CNTN6: variants seen among roughly 807,000 people sequenced by gnomAD.
The protein encoded by CNTN6 is contactin-6.
Under a neutral mutation model 122.8 loss-of-function variants are expected in CNTN6, and 137 were observed. The observed-to-expected ratio is 1.12, with a 90% CI of 0.97 to 1.29. The LOEUF (loss-of-function observed/expected upper bound fraction) is 1.29, where lower values mean the gene tolerates loss of function less well. Ranked by LOEUF, CNTN6 falls within the 50% of genes most tolerant of loss-of-function variation. CNTN6 has a pLI of 0.00. For missense variants in CNTN6, 1,634 were observed against 1,223.4 expected (o/e 1.34, Z -5.01); for synonymous variants, 570 against 426.0 (o/e 1.34, Z -4.16).
intron 12 of CNTN6, among the ~76,000 whole-genome samples, chr3:1,360,461 A>G (rs1575855450): frequency 6.6e-6 from 1 of 152,098 alleles, no homozygotes; most frequent in East Asian, 1.9e-4. Context: ...TCCTTCTCCT[A>G]AAAGCCCTGT....
intron 2 of CNTN6, among the ~76,000 whole-genome samples, chr3:1,150,513 A>G (rs1042894872): frequency 6.6e-6 from 1 of 152,208 alleles, no homozygotes; most frequent in African/African-American, 2.4e-5. Context: ...GGCCTTTACA[A>G]TGAAACTTAA....
rs182341825 is a variant in CNTN6 at position 1,329,105 on chromosome 3, A to G, written c.1214-680A>G. Among the ~76,000 whole-genome samples the G allele has an allele frequency of 4.2e-4, 63 of 151,328 alleles. 1 individual carries two copies. The East Asian group carries it at 9.4e-3, about 23-fold the overall frequency. On this transcript the variant is annotated intron_variant, in intron 10 of 22. Coordinates refer to ENST00000446702, the MANE Select transcript of CNTN6 (RefSeq NM_001289080.2). ...TATATGTATATATGTGTATATACGT[A>G]TATATGTATATGTGTGTGTGTTTCT...
chr3:1,243,908 G>A (rs1277382950), intron 4 of CNTN6, among the ~76,000 whole-genome samples: 1 of 152,072 alleles, frequency 6.6e-6, no homozygotes, highest in East Asian at 1.9e-4. Flanking sequence ...TTGGGGTTGG[G>A]ACCAAGGGGA....
At chr3:1,238,457 C>G (rs926460772) in intron 4 of CNTN6, among the ~76,000 whole-genome samples, 10 of 152,062 alleles carry the variant, frequency 6.6e-5, no homozygotes, top group Non-Finnish European at 1.5e-4. Flanking sequence ...ACTACTATAC[C>G]TAAGAAATGA....
chr3:1,206,784 G>C (rs189015773), intron 2 of CNTN6, among the ~76,000 whole-genome samples: 28 of 152,238 alleles, frequency 1.8e-4, no homozygotes, highest in Admixed American at 6.5e-4. Context: ...TAAATGCAGT[G>C]GAATGTTTTT....
chr3:1,200,604 C>G (rs1227485595), intron 2 of CNTN6, among the ~76,000 whole-genome samples: 3 of 152,146 alleles, frequency 2.0e-5, no homozygotes, highest in African/African-American at 4.8e-5. Context: ...TAACTGGGCT[C>G]TCTTTTTTAA....
chr3:1,173,788 A>C (rs1476293660), intron 2 of CNTN6, among the ~76,000 whole-genome samples: 1 of 152,008 alleles, frequency 6.6e-6, no homozygotes, highest in African/African-American at 2.4e-5. Context: ...AAAAAAAAAA[A>C]AAACTAAAAT....
At chr3:1,357,440 T>C (rs1706755063) in intron 12 of CNTN6, among the ~76,000 whole-genome samples, 1 of 151,950 alleles carries the variant, frequency 6.6e-6, no homozygotes, top group East Asian at 1.9e-4. Flanking sequence ...TTCTCTGTCC[T>C]AGGCACCATG....
chr3:1,154,952 G>C (rs2092930728), intron 2 of CNTN6, among the ~76,000 whole-genome samples: 2 of 152,090 alleles, frequency 1.3e-5, no homozygotes, highest in South Asian at 4.1e-4. Flanking sequence ...TCTCTGCTTA[G>C]GGTCTTTGCA....
intron 1 of CNTN6, among the ~76,000 whole-genome samples, chr3:1,135,081 C>T (rs1479922864): frequency 6.6e-6 from 1 of 152,116 alleles, no homozygotes; most frequent in East Asian, 1.9e-4. Flanking sequence ...AAATAACCCA[C>T]CCACAACGAA....
At chr3:1,249,612 G>C (rs1245683058) in intron 4 of CNTN6, among the ~76,000 whole-genome samples, 5 of 152,182 alleles carry the variant, frequency 3.3e-5, no homozygotes, top group Non-Finnish European at 5.9e-5. Flanking sequence ...GTCAATTGCA[G>C]GTGTTTTTCC....
At chr3:1,377,104 G>T (rs1353651848) in intron 17 of CNTN6, 29 bp downstream of exon 17, 1 of 1,474,066 alleles carries the variant, frequency 6.8e-7, no homozygotes, top group Non-Finnish European at 9.4e-7. Context: ...GAGTTATTTT[G>T]AAGAAAAGAG....
In CNTN6 at chr3:1,311,289, A is replaced by G. The variant is rs572194510; in HGVS notation, c.762-10361A>G. Among the ~76,000 whole-genome samples, 6 of 145,620 alleles carry G rather than the reference A, an allele frequency of 4.1e-5. No individual in the cohort carries two copies. The East Asian group carries it at 1.2e-3, about 30-fold the overall frequency. On this transcript the variant is annotated intron_variant, in intron 7 of 22. Coordinates refer to ENST00000446702, the MANE Select transcript of CNTN6 (RefSeq NM_001289080.2). ...TGTATATATACATACATATTTATAT[A>G]TACATATACGTATATGTACATATAA...
chr3:1,096,091 T>G (rs2090509853), intron 1 of CNTN6, among the ~76,000 whole-genome samples: 1 of 152,224 alleles, frequency 6.6e-6, no homozygotes, highest in African/African-American at 2.4e-5. Context: ...CTTTCTTGGA[T>G]CAAGCTTAAT....
intron 1 of CNTN6, among the ~76,000 whole-genome samples, chr3:1,103,348 A>G (rs1211560796): frequency 1.3e-5 from 2 of 152,206 alleles, no homozygotes; most frequent in Non-Finnish European, 2.9e-5. Context: ...AAATGGTTCT[A>G]TTAGAATTAG....
intron 5 of CNTN6, among the ~76,000 whole-genome samples, chr3:1,288,669 A>G (rs1694768189): frequency 6.6e-6 from 1 of 152,248 alleles, no homozygotes; most frequent in South Asian, 2.1e-4. Context: ...AGAAGTTGTC[A>G]GTATCAATGT....
intron 4 of CNTN6, among the ~76,000 whole-genome samples, chr3:1,244,496 G>T (rs931555153): frequency 1.4e-5 from 2 of 144,922 alleles, no homozygotes; most frequent in Admixed American, 7.3e-5. Context: ...AAGGAGAAGG[G>T]GTTGAGGGGT....
chr3:1,130,176 G>A (rs6442221), intron 1 of CNTN6, among the ~76,000 whole-genome samples: 103,127 of 151,838 alleles, frequency 0.68, 36,078 homozygotes, highest in African/African-American at 0.85. Context: ...TCTTTACACA[G>A]GACATTGACT....
intron 2 of CNTN6, among the ~76,000 whole-genome samples, chr3:1,158,829 TATAC>T (rs2093043354): frequency 3.7e-5 from 4 of 108,682 alleles, no homozygotes; most frequent in African/African-American, 1.4e-4. Flanking sequence ...CACACATATA[TATAC>T]ACACACATAT....
Sources: allele counts gnomAD v4.1 joint callset (sites outside exome capture counted in the v4.1 genomes callset), GRCh38; gene constraint gnomAD v4.1.1; transcripts MANE v1.5; gene names NCBI Gene and HGNC (gene_info 2026-07-23, HGNC 2026-07-21).